LMX1A: variants seen among roughly 807,000 people sequenced by gnomAD.
The protein encoded by LMX1A is LIM homeobox transcription factor 1 alpha, also known as LIM homeobox transcription factor 1-alpha.
In LMX1A, 15 loss-of-function variants were observed where a neutral mutation model predicts 49.1. The observed-to-expected ratio is 0.31, with a 90% CI of 0.20 to 0.47. The LOEUF (loss-of-function observed/expected upper bound fraction) is 0.47. Ranked by LOEUF, LMX1A falls within the 20% of genes least tolerant of loss-of-function variation. LMX1A has a pLI of 1.00. For synonymous variants in LMX1A, 167 were observed against 185.7 expected, an observed-to-expected ratio of 0.90 and a Z score of 0.82; for missense variants, 372 against 475.8, an observed-to-expected ratio of 0.78 and a Z score of 2.03.
intron 3 of LMX1A, among the ~76,000 whole-genome samples, chr1:165,261,035 A>G (rs1009686669): frequency 3.3e-5 from 5 of 152,204 alleles, no homozygotes; most frequent in African/African-American, 1.2e-4. Context: ...GCATAACAGC[A>G]GAATGTGGCA....
At chr1:165,294,725 A>T (rs1654567889) in intron 3 of LMX1A, among the ~76,000 whole-genome samples, 1 of 152,234 alleles carries the variant, frequency 6.6e-6, no homozygotes, top group Non-Finnish European at 1.5e-5. Flanking sequence ...GCGCTTCGGG[A>T]GGCCGAGGCA....
chr1:165,260,413 A>T lies in LMX1A; in HGVS notation c.264-10773T>A, dbSNP rs145086585. ...CAAGGGTATTATTGATGGTATTTTG[A>T]TGGGGAAGATTCTGGGATCTCAGCA... On this transcript the variant is annotated intron_variant, in intron 3 of 8. Transcript: ENST00000342310. 1.4e-3 allele frequency among the ~76,000 whole-genome samples: 220 copies of T among 151,936 alleles called. 2 individuals are homozygous for T. Among genetic ancestry groups the T allele is most frequent in the Middle Eastern group, 0.01 (3 of 294 alleles).
intron 6 of LMX1A, among the ~76,000 whole-genome samples, chr1:165,208,346 G>C (rs1236058163): frequency 6.6e-6 from 1 of 152,224 alleles, no homozygotes; most frequent in Non-Finnish European, 1.5e-5. Flanking sequence ...AAGACAGCTG[G>C]CTGGGAAGCA....
At chr1:165,235,183 T>C (rs931731581) in intron 4 of LMX1A, among the ~76,000 whole-genome samples, 1 of 152,164 alleles carries the variant, frequency 6.6e-6, no homozygotes, top group East Asian at 1.9e-4. Context: ...CGATGGTATC[T>C]GTAGCACAGT....
intron 3 of LMX1A, among the ~76,000 whole-genome samples, chr1:165,275,938 A>T (rs990933933): frequency 6.6e-6 from 1 of 151,260 alleles, no homozygotes; most frequent in African/African-American, 2.4e-5. Flanking sequence ...GAATGAGAGC[A>T]GACTGGGGCT....
Position 165,355,479 on chromosome 1 carries a change from C to T in LMX1A, c.76+5G>A, listed in dbSNP as rs1208511928. On this transcript the variant is annotated splice_donor_5th_base_variant and intron_variant, in intron 2 of 8. Coordinates refer to ENST00000342310, the MANE Select transcript of LMX1A (RefSeq NM_177398.4). This position sits in a 1 kb window ranked among gnomAD's most constrained non-coding sequence, Gnocchi z 4.7. ...GCGCCCAGGACGCACGGCCTGAACA[C>T]TCACCCAGCAGCGAGGAGAAGGAGG... 3.1e-6 allele frequency: 5 copies of T among 1,613,832 alleles called. No homozygotes were observed. Among genetic ancestry groups the T allele is most frequent in the South Asian group, 1.1e-5 (1 of 90,974 alleles).
In LMX1A at chr1:165,255,294, T is replaced by C. The variant is rs537553088; in HGVS notation, c.264-5654A>G. Among the ~76,000 whole-genome samples the C allele has an allele frequency of 9.3e-4, 142 of 152,364 alleles. 1 individual carries two copies. The highest frequency in any genetic ancestry group is 3.2e-3 in the African/African-American group (133 of 41,596). Reference sequence around the variant, plus strand: ...TTTTCTTCTTTCTCCCTGCACCTCCTCTCACTCTCTCTTTTCCACTCACTC... The same window carrying C: ...TTTTCTTCTTTCTCCCTGCACCTCCCCTCACTCTCTCTTTTCCACTCACTC... On this transcript the variant is annotated intron_variant, in intron 3 of 8. Coordinates refer to ENST00000342310, the MANE Select transcript of LMX1A (RefSeq NM_177398.4).
At chr1:165,309,322 T>C (rs1332609071) in intron 3 of LMX1A, among the ~76,000 whole-genome samples, 2 of 152,190 alleles carry the variant, frequency 1.3e-5, no homozygotes, top group African/African-American at 4.8e-5. Context: ...TCAACTTTAA[T>C]AACAAAAACC....
In LMX1A at chr1:165,203,844, A is replaced by G. The variant is rs569058510; in HGVS notation, c.*36T>C. 1.2e-6 allele frequency: 2 copies of G among 1,607,444 alleles called. No homozygotes were observed. Among genetic ancestry groups the G allele is most frequent in the South Asian group, 2.2e-5 (2 of 90,894 alleles). On this transcript the variant is annotated 3_prime_UTR_variant, in exon 9 of 9. Transcript: ENST00000342310. The stretch of plus-strand genomic sequence containing the variant: ...ACCCCTCAAAGAATATGGTTGTTCC[A>G]TATGGGAGCCTAGTCACAGAACTCT...
chr1:165,347,380 G>A (rs529326863), intron 3 of LMX1A, among the ~76,000 whole-genome samples: 1 of 152,274 alleles, frequency 6.6e-6, no homozygotes, highest in East Asian at 1.9e-4. Flanking sequence ...GAAGCCTCAG[G>A]CATGCTGGAA....
rs571995413 is a variant in LMX1A at position 165,270,215 on chromosome 1, C to A, written c.264-20575G>T. 1.2e-4 allele frequency among the ~76,000 whole-genome samples: 18 copies of A among 152,076 alleles called. No individual in the cohort carries two copies. The East Asian group carries it at 2.7e-3, about 23-fold the overall frequency. On this transcript the variant is annotated intron_variant, in intron 3 of 8. Coordinates refer to ENST00000342310, the MANE Select transcript of LMX1A (RefSeq NM_177398.4). The stretch of plus-strand genomic sequence containing the variant: ...GGTGCATTCTTATAGACAGTCTTAT[C>A]CTGCCCCCAGCTACCTGGCATGGCT...
intron 3 of LMX1A, among the ~76,000 whole-genome samples, chr1:165,334,598 T>TA (rs1655844847): frequency 6.6e-6 from 1 of 152,150 alleles, no homozygotes; most frequent in Non-Finnish European, 1.5e-5. Context: ...AAACTAAACA[T>TA]ACATAATCAC....
intron 3 of LMX1A, among the ~76,000 whole-genome samples, chr1:165,254,585 C>T (rs986508844): frequency 6.6e-6 from 1 of 152,202 alleles, no homozygotes; most frequent in Non-Finnish European, 1.5e-5. Flanking sequence ...TGTACGGCTA[C>T]CGCTGTGGAC....
At chr1:165,255,740 G>A (rs972610294) in intron 3 of LMX1A, among the ~76,000 whole-genome samples, 8 of 152,150 alleles carry the variant, frequency 5.3e-5, no homozygotes, top group Admixed American at 1.3e-4. Context: ...TTGGGAGGCC[G>A]AGGTGGGCGG....
intron 3 of LMX1A, among the ~76,000 whole-genome samples, chr1:165,341,071 T>C (rs1349490613): frequency 6.6e-6 from 1 of 152,200 alleles, no homozygotes; most frequent in East Asian, 1.9e-4. Flanking sequence ...CAGAATTACC[T>C]TTCCAGAAAA....
chr1:165,330,095 C>T (rs2134941), intron 3 of LMX1A, among the ~76,000 whole-genome samples: 124,730 of 152,274 alleles, frequency 0.82, 51,273 homozygotes, highest in Middle Eastern at 0.91. Flanking sequence ...CCAGCAATAT[C>T]GTAAGGCAGG....
chr1:165,249,740 G>T, intron 3 of LMX1A, 100 bp from the exon 4 acceptor site: 1 of 766,442 alleles, frequency 1.3e-6, no homozygotes, highest in Non-Finnish European at 2.2e-6. Flanking sequence ...TCAAGAACTG[G>T]GATATGAACG....
intron 3 of LMX1A, among the ~76,000 whole-genome samples, chr1:165,305,537 C>T (rs1654897057): frequency 6.6e-6 from 1 of 152,170 alleles, no homozygotes; most frequent in Non-Finnish European, 1.5e-5. Context: ...AGAAGAGGGG[C>T]TAAGTATCAT....
At chr1:165,288,195 C>T (rs1245809317) in intron 3 of LMX1A, among the ~76,000 whole-genome samples, 1 of 152,186 alleles carries the variant, frequency 6.6e-6, no homozygotes, top group South Asian at 2.1e-4. Flanking sequence ...GGACAGCTCT[C>T]CTGGGTTGGG....
Sources: allele counts gnomAD v4.1 joint callset (sites outside exome capture counted in the v4.1 genomes callset), GRCh38; gene constraint gnomAD v4.1.1; non-coding constraint Gnocchi (gnomAD v3.1); transcripts MANE v1.5; gene names NCBI Gene and HGNC (gene_info 2026-07-23, HGNC 2026-07-21).